Variants in PUDP observed in about 807,000 individuals in gnomAD.
The protein encoded by PUDP is pseudouridine-5'-phosphatase.
A neutral mutation model predicts 9.4 loss-of-function variants in PUDP; 8 were observed. That is an observed-to-expected ratio of 0.85 (90% CI 0.50 to 1.53). The LOEUF (loss-of-function observed/expected upper bound fraction) is 1.53, where lower values mean the gene tolerates loss of function less well. PUDP is among the 40% of genes most tolerant of loss of function. The pLI is 0.00. For missense variants in PUDP, 188 were observed against 189.7 expected (o/e 0.99, Z 0.05); for synonymous variants, 99 against 80.7 (o/e 1.23, Z -1.22).
rs144384769 is a variant in PUDP, at chrX:6,965,474, C to T, written c.*247+11659G>A. The stretch of plus-strand genomic sequence containing the variant: ...ACCTGGATTCAAATTCCAGCCTTTC[C>T]TTGCATTGATTATGCCCATTTTGTT... On this transcript the variant is annotated intron_variant and NMD_transcript_variant, in intron 3 of 3. Transcript: ENST00000655425. Among the ~76,000 whole-genome samples, 452 of 112,393 alleles carry T rather than the reference C, an allele frequency of 4.0e-3. 3 individuals are homozygous for T. The highest frequency in any genetic ancestry group is 0.014 in the African/African-American group (427 of 31,024).
At chrX:6,843,694 A>T (rs770622579) in intron 3 of PUDP, among the ~76,000 whole-genome samples, 4 of 111,998 alleles carry the variant, frequency 3.6e-5, no homozygotes, top group Non-Finnish European at 3.8e-5. Flanking sequence ...TATGGGAACC[A>T]TGCCCCTCCA....
At chrX:7,066,732 C>G (rs1930565128) in intron 3 of PUDP, among the ~76,000 whole-genome samples, 1 of 111,525 alleles carries the variant, frequency 9.0e-6, no homozygotes, top group Non-Finnish European at 1.9e-5. Flanking sequence ...ATGGAGACTG[C>G]AATTTTTTGG....
chrX:6,808,130 G>T (rs1433674098), intron 3 of PUDP, among the ~76,000 whole-genome samples: 4 of 110,921 alleles, frequency 3.6e-5, no homozygotes, highest in Non-Finnish European at 3.8e-5. Context: ...TTAGTAGCAT[G>T]ACCACATCTC....
chrX:6,781,161 CAACAAT>C (rs1442060640), intron 3 of PUDP, among the ~76,000 whole-genome samples: 3 of 111,625 alleles, frequency 2.7e-5, no homozygotes, highest in Non-Finnish European at 5.7e-5. Context: ...ACACACACAA[CAACAAT>C]AACAACAGCA....
intron 3 of PUDP, among the ~76,000 whole-genome samples, chrX:6,840,830 T>TG (rs986362795): frequency 2.4e-5 from 2 of 84,023 alleles, no homozygotes; most frequent in African/African-American, 4.6e-5. Context: ...GTAATGGGGA[T>TG]GGGGGGGTTG....
At chrX:7,092,343 C>T (rs1014786648) in intron 2 of PUDP, among the ~76,000 whole-genome samples, 2 of 112,767 alleles carry the variant, frequency 1.8e-5, no homozygotes, top group Non-Finnish European at 1.9e-5. Context: ...AACAATAAGA[C>T]AAAAATAACA....
chrX:6,939,890 A>G (rs1156477250), intron 3 of PUDP, among the ~76,000 whole-genome samples: 1 of 111,661 alleles, frequency 9.0e-6, no homozygotes, highest in Non-Finnish European at 1.9e-5. Context: ...AAAAGAAAAA[A>G]GAATTCTGGA....
In PUDP at chrX:6,876,641, G is replaced by A. The variant is rs199784455; in HGVS notation, c.*247+100492C>T. On this transcript the variant is annotated intron_variant and NMD_transcript_variant, in intron 3 of 3. Transcript: ENST00000655425. ...CAAGACCCTGCACCTAAAATGTTATGTGTGTGTGTGTGTGTGTGTGTGTGT... is the reference window on the plus strand; with the variant it reads ...CAAGACCCTGCACCTAAAATGTTATATGTGTGTGTGTGTGTGTGTGTGTGT... 4.0e-4 allele frequency among the ~76,000 whole-genome samples: 28 copies of A among 69,921 alleles called. No individual in the cohort carries two copies. The East Asian group carries it at 4.2e-3, about 11-fold the overall frequency. The allele number at this position is 69,921 out of a possible 115,157, so 60.7% of individuals were successfully genotyped here.
At chrX:6,999,899 T>A (rs753747763) in intron 1 of PUDP, among the ~76,000 whole-genome samples, 127 of 110,695 alleles carry the variant, frequency 1.1e-3, no homozygotes, top group Middle Eastern at 4.6e-3. Context: ...AAATATTTTT[T>A]AAAAAAGAGA....
rs745476506 is a variant in PUDP at position 6,971,135 on chromosome X, C to T, written c.*247+5998G>A. 2.8e-3 allele frequency among the ~76,000 whole-genome samples: 308 copies of T among 111,731 alleles called. 1 individual carries two copies. The highest frequency in any genetic ancestry group is 4.5e-3 in the Non-Finnish European group (238 of 53,109). On this transcript the variant is annotated intron_variant and NMD_transcript_variant, in intron 3 of 3. Coordinates refer to the PUDP transcript ENST00000655425. ...TTATACCTGCTACAGGTAAAGGTCCCGCTATGGACAAGAGGATGCTGCATG... is the reference window on the plus strand; with the variant it reads ...TTATACCTGCTACAGGTAAAGGTCCTGCTATGGACAAGAGGATGCTGCATG...
chrX:7,094,842 C>A (rs1046158284), intron 2 of PUDP, among the ~76,000 whole-genome samples: 18 of 111,912 alleles, frequency 1.6e-4, no homozygotes, highest in Admixed American at 9.4e-4. Context: ...TGTCAGCGTA[C>A]AATTTTCCTT....
chrX:6,752,983 TG>T (rs1445306530), intron 3 of PUDP, among the ~76,000 whole-genome samples: 1 of 111,726 alleles, frequency 9.0e-6, no homozygotes, highest in African/African-American at 3.3e-5. Context: ...TGATATGGTT[TG>T]GCTGTGTCCC....
intron 3 of PUDP, among the ~76,000 whole-genome samples, chrX:6,820,557 G>A (rs375838433): frequency 9.0e-6 from 1 of 111,712 alleles, no homozygotes; most frequent in East Asian, 2.8e-4. Context: ...GGTAAATACA[G>A]CTGTTCCAAA....
At chrX:6,875,927 T>C (rs907354268) in intron 3 of PUDP, among the ~76,000 whole-genome samples, 4 of 112,209 alleles carry the variant, frequency 3.6e-5, no homozygotes, top group Non-Finnish European at 5.6e-5. Flanking sequence ...AAAGCAATGG[T>C]ATTTTATTAT....
intron 1 of PUDP, among the ~76,000 whole-genome samples, chrX:7,139,806 A>G (rs781452712): frequency 2.6e-4 from 29 of 112,047 alleles, no homozygotes; most frequent in African/African-American, 9.4e-4. Context: ...CAGAGAGAGA[A>G]GAGTCAAGGG....
intron 3 of PUDP, among the ~76,000 whole-genome samples, chrX:6,732,979 G>A: frequency 8.9e-6 from 1 of 111,858 alleles, no homozygotes; most frequent in Non-Finnish European, 1.9e-5. Flanking sequence ...GGTGCATTCA[G>A]GAACGGTCTC....
At chrX:6,881,359 C>G (rs773314464) in intron 3 of PUDP, among the ~76,000 whole-genome samples, 1 of 112,017 alleles carries the variant, frequency 8.9e-6, no homozygotes, top group Non-Finnish European at 1.9e-5. Flanking sequence ...TAACACCTTG[C>G]TCCCAACAGT....
intron 3 of PUDP, among the ~76,000 whole-genome samples, chrX:6,745,671 T>C (rs5948744): frequency 0.24 from 25,990 of 110,449 alleles, 2,694 homozygotes; most frequent in African/African-American, 0.39. Context: ...AGAGATGGGG[T>C]CTTGCTCTGT....
At chrX:6,800,097 C>A (rs186161724) in intron 3 of PUDP, among the ~76,000 whole-genome samples, 1 of 111,670 alleles carries the variant, frequency 9.0e-6, no homozygotes, top group Non-Finnish European at 1.9e-5. Flanking sequence ...GTGATAAATT[C>A]GAATACAATA....
Sources: gnomAD v4.1 joint callset for allele counts (sites outside exome capture counted in the v4.1 genomes callset) on GRCh38, gnomAD v4.1.1 for gene constraint, MANE v1.5 for transcripts, NCBI Gene and HGNC (gene_info 2026-07-23, HGNC 2026-07-21) for gene names.